Variants in SLC24A2 observed in about 807,000 individuals in gnomAD.
SLC24A2 encodes sodium/potassium/calcium exchanger 2.
SLC24A2 carries 36 observed loss-of-function variants against 62.0 expected under a neutral mutation model. That is an observed-to-expected ratio of 0.58 (90% confidence interval 0.44 to 0.77). The LOEUF is 0.77. Ranked by LOEUF, SLC24A2 falls within the 30% of genes least tolerant of loss-of-function variation. The pLI is 0.00. For synonymous variants in SLC24A2, 358 were observed against 294.0 expected, an observed-to-expected ratio of 1.22 and a Z score of -2.23; for missense variants, 846 against 817.9, an observed-to-expected ratio of 1.03 and a Z score of -0.42.
the SLC24A2 span, among the ~76,000 whole-genome samples, chr9:19,868,753 G>A: frequency 6.6e-6 from 1 of 151,884 alleles, no homozygotes; most frequent in Non-Finnish European, 1.5e-5. Context: ...TTCTTTTTCT[G>A]AAGTCTGTAT....
At chr9:19,881,830 C>G in the SLC24A2 span, among the ~76,000 whole-genome samples, 1 of 152,146 alleles carries the variant, frequency 6.6e-6, no homozygotes, top group South Asian at 2.1e-4. Context: ...CAAAATGGAA[C>G]TTGGGAAGTG....
the SLC24A2 span, among the ~76,000 whole-genome samples, chr9:20,166,514 CA>C: frequency 6.6e-6 from 1 of 151,728 alleles, no homozygotes; most frequent in Non-Finnish European, 1.5e-5. Context: ...AAATTATTTC[CA>C]GGATACCTTA....
chr9:20,094,066 TC>T, the SLC24A2 span, among the ~76,000 whole-genome samples: 1 of 152,216 alleles, frequency 6.6e-6, no homozygotes, highest in Non-Finnish European at 1.5e-5. Flanking sequence ...GAGGTTATTT[TC>T]TTTTAAGGTG....
At chr9:19,642,665 C>T (rs7044000) in intron 2 of SLC24A2, among the ~76,000 whole-genome samples, 1 of 130,082 alleles carries the variant, frequency 7.7e-6, no homozygotes, top group Non-Finnish European at 1.6e-5. Context: ...TATATGAGAG[C>T]GTATTCTTTT....
At chr9:19,813,844 G>A in the SLC24A2 span, among the ~76,000 whole-genome samples, 1 of 152,086 alleles carries the variant, frequency 6.6e-6, no homozygotes, top group Non-Finnish European at 1.5e-5. Flanking sequence ...GACATAGGGA[G>A]AATGCACCAT....
chr9:20,118,162 T>G, the SLC24A2 span, among the ~76,000 whole-genome samples: 15,946 of 152,020 alleles, frequency 0.1, 1,497 homozygotes, highest in East Asian at 0.53. Flanking sequence ...TATCTACCCC[T>G]GTGTAGAGCT....
chr9:20,246,062 AG>A, the SLC24A2 span, among the ~76,000 whole-genome samples: 45 of 152,332 alleles, frequency 3.0e-4, no homozygotes, highest in African/African-American at 9.6e-4. Context: ...TGTAAGGAAA[AG>A]AAATAAGATC....
chr9:19,777,908 T>C (rs980526349), intron 2 of SLC24A2, among the ~76,000 whole-genome samples: 1 of 152,294 alleles, frequency 6.6e-6, no homozygotes. Context: ...GATAAATATA[T>C]TATTTAAAAG....
the SLC24A2 span, among the ~76,000 whole-genome samples, chr9:19,801,182 C>A: frequency 3.9e-5 from 6 of 152,224 alleles, no homozygotes; most frequent in Admixed American, 2.6e-4. Context: ...GGAATGGAAT[C>A]TTGGGCCATG....
chr9:19,515,987 AGTGAATGGGCCCAGT>A lies in SLC24A2; in HGVS notation c.*151_*165del, dbSNP rs1426258939. 1 of 845,798 alleles carries A rather than the reference AGTGAATGGGCCCAGT, an allele frequency of 1.2e-6. No homozygotes were observed. Among genetic ancestry groups the A allele is most frequent in the South Asian group, 1.4e-5 (1 of 72,308 alleles). 52.4% of individuals were successfully genotyped at this position (845,798 alleles called of 1,614,324 possible). A position where few individuals can be genotyped will look rare whatever the true frequency, so the allele number is the denominator to read the frequency against. ...TAGGCAGGGTGGAAGCAGCCTGTGA[AGTGAATGGGCCCAGT>A]GTGAATCCATCTCTCCTCAAATTCA... On this transcript the variant is annotated 3_prime_UTR_variant, in exon 11 of 11. Coordinates refer to ENST00000341998, the MANE Select transcript of SLC24A2 (RefSeq NM_020344.4).
At chr9:20,230,161 C>T in the SLC24A2 span, among the ~76,000 whole-genome samples, 1 of 152,216 alleles carries the variant, frequency 6.6e-6, no homozygotes, top group South Asian at 2.1e-4. Context: ...AGTTCCAAGT[C>T]CTTCCTAGGG....
chr9:19,636,326 T>TCCTTTCC (rs1554690402), intron 2 of SLC24A2, among the ~76,000 whole-genome samples: 2 of 26,908 alleles, frequency 7.4e-5, no homozygotes, highest in African/African-American at 3.3e-4. Context: ...TTTCTTTCTT[T>TCCTTTCC]CTTTCTTTCT....
rs1046312802 is a variant in SLC24A2 at position 19,510,611 on chromosome 9, A to G, written c.*5542T>C. ...GTCCTTTGGATTAGCGTGATAGGCT[A>G]GACAAACCCTCTTAATGGAATTAAA... On this transcript the variant is annotated 3_prime_UTR_variant, in exon 11 of 11. Transcript: ENST00000341998. 1 of 152,212 alleles carries G rather than the reference A, an allele frequency of 6.6e-6. No individual in the cohort carries two copies. The highest frequency in any genetic ancestry group is 6.5e-5 in the Admixed American group (1 of 15,278). The allele number at this position is 152,212 out of a possible 1,614,324, so 9.4% of individuals were successfully genotyped here. A position where few individuals can be genotyped will look rare whatever the true frequency, so the allele number is the denominator to read the frequency against.
At chr9:19,693,717 T>A (rs7871081) in intron 2 of SLC24A2, among the ~76,000 whole-genome samples, 2 of 152,062 alleles carry the variant, frequency 1.3e-5, no homozygotes, top group Non-Finnish European at 2.9e-5. Flanking sequence ...ATGCTTCTCA[T>A]GTACAGAAGA....
chr9:20,263,245 C>T, the SLC24A2 span, among the ~76,000 whole-genome samples: 1 of 152,032 alleles, frequency 6.6e-6, no homozygotes, highest in Non-Finnish European at 1.5e-5. Flanking sequence ...GAGAAGAATC[C>T]TTTTCTTTTT....
chr9:20,291,893 C>T, the SLC24A2 span, among the ~76,000 whole-genome samples: 46 of 152,048 alleles, frequency 3.0e-4, no homozygotes, highest in African/African-American at 1.1e-3. Flanking sequence ...TGGAGAGGAA[C>T]AAGGCAGGAT....
At chr9:19,864,082 A>G in the SLC24A2 span, among the ~76,000 whole-genome samples, 1 of 152,060 alleles carries the variant, frequency 6.6e-6, no homozygotes, top group South Asian at 2.1e-4. Flanking sequence ...GAAAATCTAG[A>G]AAAAATGGAC....
chr9:19,721,820 G>A (rs1055164212), intron 2 of SLC24A2, among the ~76,000 whole-genome samples: 1 of 151,866 alleles, frequency 6.6e-6, no homozygotes, highest in Non-Finnish European at 1.5e-5. Flanking sequence ...TTTCCTTTGT[G>A]AGCCTTTATG....
the SLC24A2 span, among the ~76,000 whole-genome samples, chr9:19,907,693 GACAA>G: frequency 3.1e-4 from 47 of 152,250 alleles, no homozygotes; most frequent in Admixed American, 1.3e-3. Context: ...ACCAATAACA[GACAA>G]ACAGAGAGCC....
Sources: gnomAD v4.1 joint callset for allele counts (sites outside exome capture counted in the v4.1 genomes callset) on GRCh38, gnomAD v4.1.1 for gene constraint, MANE v1.5 for transcripts, NCBI Gene and HGNC (gene_info 2026-07-23, HGNC 2026-07-21) for gene names.